The following ERCC8 variants were observed in gnomAD, a reference collection of about 807,000 sequenced individuals.
ERCC8 encodes DNA excision repair protein ERCC-8.
ERCC8 carries 52 observed loss-of-function variants against 54.9 expected under a neutral mutation model. The ratio of observed to expected loss-of-function variants is 0.95; its 90% confidence interval spans 0.76 to 1.19. The LOEUF is 1.19. ERCC8 is among the 50% of genes most tolerant of loss of function. The probability of loss-of-function intolerance (pLI) is 0.00; values close to 1 mark genes in which losing one functional copy is unlikely to be tolerated. For missense variants in ERCC8, 514 were observed against 466.1 expected (o/e 1.10, Z -0.95); for synonymous variants, 146 against 157.2 (o/e 0.93, Z 0.53).
chr5:60,910,904 A>G (rs1749238290), intron 4 of ERCC8, among the ~76,000 whole-genome samples: 1 of 152,170 alleles, frequency 6.6e-6, no homozygotes. Flanking sequence ...ACAATGTTGA[A>G]CAGAGGAAAT....
At chr5:60,932,827 G>T (rs1169595574) in intron 1 of ERCC8, among the ~76,000 whole-genome samples, 2 of 152,110 alleles carry the variant, frequency 1.3e-5, no homozygotes, top group Non-Finnish European at 2.9e-5. Context: ...GGGAAAATGG[G>T]CAAGGAGAGA....
At chr5:60,900,078 C>G (rs1263022865) in intron 7 of ERCC8, among the ~76,000 whole-genome samples, 7 of 151,980 alleles carry the variant, frequency 4.6e-5, no homozygotes, top group African/African-American at 1.7e-4. Context: ...TTTTCTACTG[C>G]TTGTTATCCA....
chr5:60,915,445 G>C (rs1749404926), intron 4 of ERCC8, among the ~76,000 whole-genome samples: 1 of 152,000 alleles, frequency 6.6e-6, no homozygotes, highest in African/African-American at 2.4e-5. Context: ...ATTTTCTACT[G>C]ATGCAGTAAG....
At chr5:60,879,241 C>G (rs553555067) in intron 11 of ERCC8, among the ~76,000 whole-genome samples, 3 of 152,176 alleles carry the variant, frequency 2.0e-5, no homozygotes, top group Admixed American at 2.0e-4. Context: ...AGACCGTTTG[C>G]TATAATTTCT....
chr5:60,908,575 A>AT (rs1237836475), intron 4 of ERCC8, among the ~76,000 whole-genome samples: 1 of 91,628 alleles, frequency 1.1e-5, no homozygotes, highest in African/African-American at 3.7e-5. Flanking sequence ...ATATATATAT[A>AT]TATATATATT....
rs755228520 is a variant in ERCC8 at position 60,874,047 on chromosome 5, C to T, written c.*568G>A. The T allele has an allele frequency of 1.3e-5, 2 of 152,122 alleles. No homozygotes were observed. Among genetic ancestry groups the T allele is most frequent in the Non-Finnish European group, 2.9e-5 (2 of 68,046 alleles). 9.4% of individuals were successfully genotyped at this position (152,122 alleles called of 1,614,324 possible). ...ACAAAGTTAAAAGCCTCCTGTGATG[C>T]ACATTTTGGATAGTAGGAGACATTG... is the stretch of plus-strand genomic sequence containing the variant. On this transcript the variant is annotated 3_prime_UTR_variant, in exon 12 of 12. Coordinates refer to ENST00000676185, the MANE Select transcript of ERCC8 (RefSeq NM_000082.4).
In ERCC8 at chr5:60,899,682, T is replaced by A. The variant is rs756997996; in HGVS notation, c.663A>T (p.Gly221=). 2 of 1,612,420 alleles carry A rather than the reference T, an allele frequency of 1.2e-6. No individual in the cohort carries two copies. The highest frequency in any genetic ancestry group is 8.5e-7 in the Non-Finnish European group (1 of 1,178,976). ...TATGTTGATCAAGAGTAATCAAACA[T>A]CCTGATGCTCTTCTCACATCCCATA... ...VKLWDVRRAS[G]CLITLDQHNG... Residue 221 remains glycine (G), a synonymous_variant, in exon 8 of 12, where the codon GGA becomes GGT. Coordinates refer to ENST00000676185, the MANE Select transcript of ERCC8 (RefSeq NM_000082.4).
intron 1 of ERCC8, among the ~76,000 whole-genome samples, chr5:60,934,199 C>G (rs1419840165): frequency 6.6e-6 from 1 of 152,214 alleles, no homozygotes; most frequent in African/African-American, 2.4e-5. Context: ...GACATTCCCA[C>G]TGGCAGTGGA....
chr5:60,878,390 T>C (rs1433504520), intron 11 of ERCC8, among the ~76,000 whole-genome samples: 1 of 152,128 alleles, frequency 6.6e-6, no homozygotes, highest in Non-Finnish European at 1.5e-5. Flanking sequence ...CCTCATCAAA[T>C]GAGTTAGGGA....
intron 4 of ERCC8, among the ~76,000 whole-genome samples, chr5:60,912,489 G>T (rs1388497695): frequency 6.6e-6 from 1 of 151,992 alleles, no homozygotes. Flanking sequence ...AAGAGATTTT[G>T]GGCTCAGACG....
chr5:60,871,991 G>A lies in ERCC8; in HGVS notation c.*2624C>T, dbSNP rs192837223. ...ATTTTTGTATTTTTTATTTAGAGACGAGGTTTTGCCATGTTGCCCAGGCTG... is the reference window on the plus strand; with the variant it reads ...ATTTTTGTATTTTTTATTTAGAGACAAGGTTTTGCCATGTTGCCCAGGCTG... On this transcript the variant is annotated 3_prime_UTR_variant, in exon 12 of 12. Transcript: ENST00000676185. Among the ~76,000 whole-genome samples, 4 of 152,028 alleles carry A rather than the reference G, an allele frequency of 2.6e-5. No individual in the cohort carries two copies. Among genetic ancestry groups the A allele is most frequent in the African/African-American group, 7.2e-5 (3 of 41,382 alleles).
Position 60,870,115 on chromosome 5 carries a change from A to T in ERCC8, c.*4500T>A, listed in dbSNP as rs1747830515. ...TTAACAAAACAAAACAAAACAAAACAAGGGTTTAGGGTGGGGAGGGGAATA... is the reference window on the plus strand; with the variant it reads ...TTAACAAAACAAAACAAAACAAAACTAGGGTTTAGGGTGGGGAGGGGAATA... On this transcript the variant is annotated 3_prime_UTR_variant, in exon 12 of 12. Coordinates refer to ENST00000676185, the MANE Select transcript of ERCC8 (RefSeq NM_000082.4). 6.6e-6 allele frequency among the ~76,000 whole-genome samples: 1 copy of T among 152,096 alleles called. No homozygotes were observed.
At chr5:60,882,076 C>T (rs1285562505) in intron 11 of ERCC8, among the ~76,000 whole-genome samples, 4 of 152,160 alleles carry the variant, frequency 2.6e-5, no homozygotes, top group South Asian at 2.1e-4. Flanking sequence ...CTCCTGATCT[C>T]GTGATCTGCC....
At chr5:60,908,218 A>AC (rs1485024560) in intron 4 of ERCC8, among the ~76,000 whole-genome samples, 1 of 145,224 alleles carries the variant, frequency 6.9e-6, no homozygotes, top group Non-Finnish European at 1.5e-5. Context: ...CAGAGTTCAG[A>AC]TTTTTTTTTT....
chr5:60,867,880 C>T lies in ERCC8; in HGVS notation c.*6735G>A, dbSNP rs1379346527. Reference sequence around the variant, plus strand: ...AGTCACCTGAGCCAATAAATTGTTGCCTTAAAGAGCTGACTACAGGCTGGC... The same window carrying T: ...AGTCACCTGAGCCAATAAATTGTTGTCTTAAAGAGCTGACTACAGGCTGGC... On this transcript the variant is annotated 3_prime_UTR_variant, in exon 12 of 12. Transcript: ENST00000676185. 6.6e-6 allele frequency among the ~76,000 whole-genome samples: 1 copy of T among 152,146 alleles called. No individual in the cohort carries two copies. Among genetic ancestry groups the T allele is most frequent in the African/African-American group, 2.4e-5 (1 of 41,408 alleles).
chr5:60,914,121 G>T (rs1026845380), intron 4 of ERCC8, among the ~76,000 whole-genome samples: 9 of 152,102 alleles, frequency 5.9e-5, no homozygotes, highest in Admixed American at 1.3e-4. Flanking sequence ...TTAGTTCAGA[G>T]CTGACTTCAA....
rs1748525172 is a variant in ERCC8, at chr5:60,890,898, T to C, written c.1032A>G (p.Ser344=). The C allele has an allele frequency of 1.2e-6, 2 of 1,612,566 alleles. No individual in the cohort carries two copies. The highest frequency in any genetic ancestry group is 1.7e-6 in the Non-Finnish European group (2 of 1,178,966). The change falls in exon 10 of 12, where the codon TCA becomes TCG. Residue 344 remains serine (S), a synonymous_variant. Transcript: ENST00000676185. The stretch of plus-strand genomic sequence containing the variant: ...CCTGTATCACTCTTACCTGGAAATT[T>C]GACTGAAATACACAGCAGTCAACAG... The part of the protein sequence containing the change: ...YKTVDCCVFQ[S]NFQELYSGSR...
Position 60,869,729 on chromosome 5 carries a change from T to C in ERCC8, c.*4886A>G, listed in dbSNP as rs891099147. Among the ~76,000 whole-genome samples, 2 of 152,362 alleles carry C rather than the reference T, an allele frequency of 1.3e-5. No homozygotes were observed. The highest frequency in any genetic ancestry group is 4.8e-5 in the African/African-American group (2 of 41,598). On this transcript the variant is annotated 3_prime_UTR_variant, in exon 12 of 12. Coordinates refer to ENST00000676185, the MANE Select transcript of ERCC8 (RefSeq NM_000082.4). ...GGTTAAAAATAGATTTATGGCTATG[T>C]TAATAAAATGTGCATTTATTATTTC...
At position 60,938,340 on chromosome 5, in the gene ERCC8, AC is replaced by A. The variant is rs1750150666; in HGVS notation, c.77+6591del. Reference sequence around the variant, plus strand: ...AAAGAATGTGGCCTGTAAGATAGCTACCTTTTTGAATTTTTTTTTTTTTTTT... The same window carrying A: ...AAAGAATGTGGCCTGTAAGATAGCTACTTTTTGAATTTTTTTTTTTTTTTT... On this transcript the variant is annotated intron_variant, in intron 1 of 11. Coordinates refer to ENST00000676185, the MANE Select transcript of ERCC8 (RefSeq NM_000082.4). 2.1e-5 allele frequency among the ~76,000 whole-genome samples: 3 copies of A among 140,682 alleles called. No individual in the cohort carries two copies. In the East Asian group the frequency reaches 6.5e-4, roughly 30 times the overall value. The allele number at this position is 140,682 out of a possible 152,430, so 92.3% of individuals were successfully genotyped here.
Sources: gnomAD v4.1 joint callset for allele counts (sites outside exome capture counted in the v4.1 genomes callset) on GRCh38, gnomAD v4.1.1 for gene constraint, MANE v1.5 for transcripts, NCBI Gene and HGNC (gene_info 2026-07-23, HGNC 2026-07-21) for gene names.